Variants in REPS1 observed in about 807,000 individuals in gnomAD.
The protein encoded by REPS1 is RALBP1 associated Eps domain containing 1.
A neutral mutation model predicts 100.9 loss-of-function variants in REPS1; 39 were observed. That is an observed-to-expected ratio of 0.39 (90% CI 0.30 to 0.50). The LOEUF (loss-of-function observed/expected upper bound fraction) is 0.50, where lower values mean the gene tolerates loss of function less well. Ranked by LOEUF, REPS1 falls within the 20% of genes least tolerant of loss-of-function variation. REPS1 has a pLI of 0.86. For missense variants in REPS1, 821 were observed against 968.5 expected (o/e 0.85, Z 2.02); for synonymous variants, 324 against 340.3 (o/e 0.95, Z 0.53).
intron 1 of REPS1, among the ~76,000 whole-genome samples, chr6:138,976,074 T>C (rs1215126401): frequency 6.6e-6 from 1 of 152,172 alleles, no homozygotes; most frequent in Non-Finnish European, 1.5e-5. Flanking sequence ...AATGAAGTGC[T>C]TCAGAAAAAA....
intron 8 of REPS1, among the ~76,000 whole-genome samples, chr6:138,934,702 TC>T (rs1249766691): frequency 1.3e-5 from 2 of 152,224 alleles, no homozygotes; most frequent in African/African-American, 4.8e-5. Context: ...CTGTTATTAA[TC>T]TTACAGAAAT....
rs1374912046 is a variant in REPS1, at chr6:138,903,622, A to T, written c.*1442T>A. Reference sequence around the variant, plus strand: ...ATTTTAAAAAACAAAACTAAATGGAAACAGCAAAACTTGCTTGTAATGAAA... The same window carrying T: ...ATTTTAAAAAACAAAACTAAATGGATACAGCAAAACTTGCTTGTAATGAAA... On this transcript the variant is annotated 3_prime_UTR_variant, in exon 20 of 20. Coordinates refer to ENST00000450536, the MANE Select transcript of REPS1 (RefSeq NM_001286611.2). 6.6e-6 allele frequency: 1 copy of T among 152,236 alleles called. No homozygotes were observed. Among genetic ancestry groups the T allele is most frequent in the African/African-American group, 2.4e-5 (1 of 41,466 alleles). 9.4% of individuals were successfully genotyped at this position (152,236 alleles called of 1,614,324 possible).
At chr6:138,921,976 A>AGTGTGTGTGTGTGTGTGTGTGTGTGT (rs71895504) in intron 10 of REPS1, among the ~76,000 whole-genome samples, 16 of 148,612 alleles carry the variant, frequency 1.1e-4, no homozygotes, top group South Asian at 4.3e-4. Context: ...CATCTCAAAA[A>AGTGTGTGTGTGTGTGTGTGTGTGTGT]GTGTGTGTGT....
chr6:138,947,488 A>T lies in REPS1; in HGVS notation c.277+302T>A, dbSNP rs370550478. On this transcript the variant is annotated intron_variant, in intron 2 of 19. Transcript: ENST00000450536. ...GTAATTTATCATTTACCTTAATAAA[A>T]CTATTCGCCTAAAATATTTCTAAAC... 2.0e-5 allele frequency among the ~76,000 whole-genome samples: 3 copies of T among 152,332 alleles called. 1 individual carries two copies.
rs905431471 is a variant in REPS1, at chr6:138,915,335, T to G, written c.1720+523A>C. ...AACACCGTTCTTTTAAAATTTCCTG[T>G]GACATCTCTCAGGTTCCCATCTTCA... On this transcript the variant is annotated intron_variant, in intron 14 of 19. Coordinates refer to ENST00000450536, the MANE Select transcript of REPS1 (RefSeq NM_001286611.2). 10 of 146,536 alleles carry G rather than the reference T, an allele frequency of 6.8e-5. No homozygotes were observed. In the Admixed American group the frequency reaches 6.9e-4, roughly 10 times the overall value. 9.1% of individuals were successfully genotyped at this position (146,536 alleles called of 1,614,324 possible).
intron 7 of REPS1, among the ~76,000 whole-genome samples, chr6:138,943,292 A>G (rs1782384596): frequency 6.6e-6 from 1 of 152,216 alleles, no homozygotes; most frequent in Non-Finnish European, 1.5e-5. Flanking sequence ...CAGCTGATAC[A>G]GCTTAAAGAA....
chr6:138,906,502 G>C (rs1779661693), intron 19 of REPS1, among the ~76,000 whole-genome samples: 1 of 152,134 alleles, frequency 6.6e-6, no homozygotes, highest in Non-Finnish European at 1.5e-5. Flanking sequence ...ATATTACGTG[G>C]TCTTCCTAAA....
rs527908167 is a variant in REPS1, at chr6:138,972,771, C to T, written c.153+14759G>A. Among the ~76,000 whole-genome samples the T allele has an allele frequency of 5.9e-5, 9 of 151,968 alleles. No homozygotes were observed. In the East Asian group the frequency reaches 1.2e-3, roughly 20 times the overall value. On this transcript the variant is annotated intron_variant, in intron 1 of 19. Coordinates refer to ENST00000450536, the MANE Select transcript of REPS1 (RefSeq NM_001286611.2). Reference sequence around the variant, plus strand: ...GCAAGCATGCTCAGTGTTTGACTAGCATCACCTGACCAACTTTAAAAGTAT... The same window carrying T: ...GCAAGCATGCTCAGTGTTTGACTAGTATCACCTGACCAACTTTAAAAGTAT...
chr6:138,983,569 T>C (rs567396866), intron 1 of REPS1, among the ~76,000 whole-genome samples: 32 of 152,334 alleles, frequency 2.1e-4, no homozygotes, highest in South Asian at 1.0e-3. Context: ...AGGAACATAA[T>C]AGGCACTCGA....
chr6:138,967,223 G>A (rs1784074881), intron 1 of REPS1, among the ~76,000 whole-genome samples: 1 of 152,152 alleles, frequency 6.6e-6, no homozygotes, highest in Admixed American at 6.6e-5. Flanking sequence ...CCCCAGAACT[G>A]TAAGAAATAA....
chr6:138,968,051 C>T (rs1258397917), intron 1 of REPS1, among the ~76,000 whole-genome samples: 2 of 152,132 alleles, frequency 1.3e-5, no homozygotes, highest in Non-Finnish European at 2.9e-5. Context: ...AGTATGTTTT[C>T]GACTTACAAT....
chr6:138,905,976 G>A (rs900933216), intron 19 of REPS1, among the ~76,000 whole-genome samples: 3 of 152,140 alleles, frequency 2.0e-5, no homozygotes, highest in Admixed American at 6.5e-5. Context: ...GTTTTAACCA[G>A]AACTACCTCT....
intron 1 of REPS1, among the ~76,000 whole-genome samples, chr6:138,953,680 TCAA>T (rs377469628): frequency 0.13 from 10,899 of 86,056 alleles, 757 homozygotes; most frequent in East Asian, 0.36. Context: ...CTGGCTATTA[TCAA>T]AAAAAAAAAA....
chr6:138,931,848 A>C (rs1288467485), intron 8 of REPS1, among the ~76,000 whole-genome samples: 1 of 152,212 alleles, frequency 6.6e-6, no homozygotes, highest in Non-Finnish European at 1.5e-5. Context: ...CAATATACTG[A>C]AAGTGAAAGT....
chr6:138,907,677 A>G (rs1779750989), intron 18 of REPS1, 77 bp from the exon 19 acceptor site: 2 of 906,884 alleles, frequency 2.2e-6, no homozygotes, highest in Non-Finnish European at 3.5e-6. Context: ...TTCCTGATCT[A>G]TTTCTAAACA....
intron 14 of REPS1, 121 bp from the exon 15 acceptor site, chr6:138,914,882 G>C (rs1780248952): frequency 3.5e-6 from 3 of 845,610 alleles, no homozygotes; most frequent in Non-Finnish European, 5.6e-6. Flanking sequence ...TTAAGTATTA[G>C]AAGGCAAGTA....
chr6:138,982,207 T>A (rs1784993303), intron 1 of REPS1, among the ~76,000 whole-genome samples: 1 of 152,230 alleles, frequency 6.6e-6, no homozygotes, highest in African/African-American at 2.4e-5. Flanking sequence ...TTTAAACTTA[T>A]CACTAATGCC....
chr6:138,917,406 G>C lies in REPS1; in HGVS notation c.1601+149C>G, dbSNP rs1422793327. 1.8e-5 allele frequency: 11 copies of C among 604,850 alleles called. No homozygotes were observed. In the East Asian group the frequency reaches 3.1e-4, roughly 17 times the overall value. The allele number at this position is 604,850 out of a possible 1,614,324, so 37.5% of individuals were successfully genotyped here. ...TTTGTTTTTCTATTCAAGTTGGAAA[G>C]GATCAAAATTACTTGTCTTTTACAT... is the stretch of plus-strand genomic sequence containing the variant. On this transcript the variant is annotated intron_variant, in intron 13 of 19. Coordinates refer to ENST00000450536, the MANE Select transcript of REPS1 (RefSeq NM_001286611.2).
chr6:138,951,446 T>C (rs913827595), intron 1 of REPS1, among the ~76,000 whole-genome samples: 7 of 152,174 alleles, frequency 4.6e-5, no homozygotes, highest in Admixed American at 2.0e-4. Flanking sequence ...AGAACCTTCC[T>C]TTGATTCCTG....
Sources: allele counts gnomAD v4.1 joint callset (sites outside exome capture counted in the v4.1 genomes callset), GRCh38; gene constraint gnomAD v4.1.1; transcripts MANE v1.5; gene names NCBI Gene and HGNC (gene_info 2026-07-23, HGNC 2026-07-21).